Variants in DUS1L observed in about 807,000 individuals in gnomAD.
The protein encoded by DUS1L is tRNA-dihydrouridine(16/17) synthase [NAD(P)(+)]-like.
Under a neutral mutation model 61.2 loss-of-function variants are expected in DUS1L, and 56 were observed. The observed-to-expected ratio is 0.92, with a 90% confidence interval of 0.74 to 1.14. The LOEUF is 1.14. Ranked by LOEUF, DUS1L falls within the 50% of genes most tolerant of loss-of-function variation. DUS1L has a pLI of 0.00. For synonymous variants in DUS1L, 278 were observed against 259.5 expected (o/e 1.07, Z -0.69); for missense variants, 630 against 632.4 (o/e 1.00, Z 0.04).
In DUS1L at chr17:82,064,064, G is replaced by T. The variant is rs1165308919; in HGVS notation, c.346+62C>A. On this transcript the variant is annotated intron_variant, in intron 3 of 13. Coordinates refer to ENST00000306796, the MANE Select transcript of DUS1L (RefSeq NM_022156.5). The stretch of plus-strand genomic sequence containing the variant: ...CGTCCTCCAAGCTCACCACACCTGG[G>T]GCTGCACTGAGCTGGCTCTGGCCCC... 5 of 1,446,582 alleles carry T rather than the reference G, an allele frequency of 3.5e-6. No homozygotes were observed. The East Asian group carries it at 1.2e-4, about 33-fold the overall frequency. The allele number at this position is 1,446,582 out of a possible 1,614,324, so 89.6% of individuals were successfully genotyped here.
In DUS1L at chr17:82,061,940, A is replaced by G. The variant is rs745472107; in HGVS notation, c.554T>C (p.Leu185Pro). ...ATGCTCCCAGGACGCTGCACCCGACAGGGGCCCCTTCTGCTCCTTGGTGCG... is the reference window on the plus strand; with the variant it reads ...ATGCTCCCAGGACGCTGCACCCGACGGGGGCCCCTTCTGCTCCTTGGTGCG... ...HGRTKEQKGP[L>P]SGAASWEHIK... The change falls in exon 6 of 14, where the codon CTG (leucine) becomes CCG (proline). Residue 185 changes from leucine to proline, a missense_variant. Leu to Pro is a moderately conservative substitution (Grantham distance 98, BLOSUM62 -3). Coordinates refer to ENST00000306796, the MANE Select transcript of DUS1L (RefSeq NM_022156.5). The G allele has an allele frequency of 1.9e-6, 3 of 1,610,888 alleles. No individual in the cohort carries two copies. Among genetic ancestry groups the G allele is most frequent in the Admixed American group, 3.3e-5 (2 of 59,866 alleles).
chr17:82,061,412 G>C (rs1054517228), intron 7 of DUS1L, 59 bp from the exon 8 acceptor site: 37 of 1,535,208 alleles, frequency 2.4e-5, no homozygotes, highest in South Asian at 3.7e-5. Context: ...GACGGCACAG[G>C]AAAGCCTGGG....
At chr17:82,063,998 G>T in intron 3 of DUS1L, 128 bp downstream of exon 3, 1 of 789,270 alleles carries the variant, frequency 1.3e-6, no homozygotes, top group Non-Finnish European at 2.0e-6. Context: ...AGGACAGCTG[G>T]CTCCAGCCTG....
chr17:82,064,906 G>A lies in DUS1L; in HGVS notation c.154C>T (p.Gln52Ter). 6.2e-7 allele frequency: 1 copy of A among 1,612,748 alleles called. No homozygotes were observed. Among genetic ancestry groups the A allele is most frequent in the Non-Finnish European group, 8.5e-7 (1 of 1,179,888 alleles). The change falls in exon 2 of 14, where the codon CAG becomes TAG. Residue 52 changes from glutamine (Q) to a stop codon, truncating the protein, a stop_gained. Coordinates refer to ENST00000306796, the MANE Select transcript of DUS1L (RefSeq NM_022156.5). LOFTEE classifies it high-confidence loss of function. ...TAGTTGGCGTCGCGGACAAAGACCT[G>A]GGCATGCAGCATGGGCGTGTAGCAG... is the stretch of plus-strand genomic sequence containing the variant. ...QLCYTPMLHAQVFVRDANYRK... is the reference protein window; with the variant it reads ...QLCYTPMLHA
intron 2 of DUS1L, 30 bp downstream of exon 2, chr17:82,064,793 G>C: frequency 6.3e-7 from 1 of 1,578,940 alleles, no homozygotes; most frequent in Non-Finnish European, 8.6e-7. Context: ...GAACCCAACC[G>C]CGGCCGCGGC....
In DUS1L at chr17:82,060,715, G is replaced by C. The variant is rs560081796; in HGVS notation, c.1008C>G (p.Pro336=). The change falls in exon 10 of 14, where the codon CCC becomes CCG. Residue 336 remains proline (P), a synonymous_variant. Coordinates refer to ENST00000306796, the MANE Select transcript of DUS1L (RefSeq NM_022156.5). ...TGGGCTCTCACCCCGGCCGGATGTA[G>C]GGCTGGCAGATCCAGTGGAAGGGCA... ...GDLPFHWICQ[P]YIRPGPREGS... is the part of the protein sequence containing the mutation. 1.1e-5 allele frequency: 18 copies of C among 1,612,902 alleles called. 1 individual carries two copies. In the East Asian group the frequency reaches 3.8e-4, roughly 34 times the overall value.
intron 4 of DUS1L, 52 bp from the exon 5 acceptor site, chr17:82,063,025 CGGCCAAGCCCCAGAGCCCAG>C: frequency 1.3e-6 from 2 of 1,502,076 alleles, no homozygotes; most frequent in Non-Finnish European, 1.8e-6. Flanking sequence ...CCCACTTTAG[CGGCCAAGCCCCAGAGCCCAG>C]GGCCCTGCAG....
At chr17:82,062,542 C>T (rs73999368) in intron 5 of DUS1L, among the ~76,000 whole-genome samples, 22 of 152,372 alleles carry the variant, frequency 1.4e-4, no homozygotes, top group African/African-American at 4.8e-4. Context: ...GCCCCTTCCT[C>T]ACCCTCTAGG....
Position 82,058,200 on chromosome 17 carries a change from G to C in DUS1L, c.1337C>G (p.Ala446Gly). Reference protein sequence around the residue: ...KLEKSLAWKEAQPELQEPQPA... With the variant: ...KLEKSLAWKEGQPELQEPQPA... Reference sequence around the variant, plus strand: ...CTGAGGCTCCTGCAGCTCAGGCTGGGCCTCTTTCCAGGCCAGAGACTTCTC... The same window carrying C: ...CTGAGGCTCCTGCAGCTCAGGCTGGCCCTCTTTCCAGGCCAGAGACTTCTC... Residue 446 changes from alanine to glycine, a missense_variant, in exon 14 of 14, where the codon GCC (alanine) becomes GGC (glycine). Ala to Gly is a moderately conservative substitution (Grantham distance 60). Coordinates refer to ENST00000306796, the MANE Select transcript of DUS1L (RefSeq NM_022156.5). The C allele has an allele frequency of 6.2e-7, 1 of 1,600,826 alleles. No homozygotes were observed. The highest frequency in any genetic ancestry group is 8.5e-7 in the Non-Finnish European group (1 of 1,171,106).
At chr17:82,059,654 G>A (rs1048956958) in intron 11 of DUS1L, 15 of 414,472 alleles carry the variant, frequency 3.6e-5, no homozygotes, top group Non-Finnish European at 6.1e-5. Context: ...AGGGGCAGCC[G>A]CAGGGACCCG....
At chr17:82,061,425 A>C in intron 7 of DUS1L, 72 bp from the exon 8 acceptor site, 1 of 1,526,936 alleles carries the variant, frequency 6.5e-7, no homozygotes, top group South Asian at 1.2e-5. Flanking sequence ...AGCCTGGGAC[A>C]CTCAGGACAC....
chr17:82,061,778 G>A (rs2033513111), intron 6 of DUS1L, 57 bp from the exon 7 acceptor site: 1 of 1,598,930 alleles, frequency 6.3e-7, no homozygotes, highest in Admixed American at 1.7e-5. Flanking sequence ...AGGTGATGCT[G>A]CCCCCAGCCA....
chr17:82,063,003 G>A (rs1431743828), intron 4 of DUS1L, 30 bp from the exon 5 acceptor site: 2 of 1,578,428 alleles, frequency 1.3e-6, no homozygotes, highest in African/African-American at 2.7e-5. Context: ...CTTCTGAGGG[G>A]GCCATGGTGT....
rs2033509431 is a variant in DUS1L at position 82,061,731 on chromosome 17, G to C, written c.594-10C>G. The stretch of plus-strand genomic sequence containing the variant: ...GATGGCCACAGCCTTCCTGTTGGCA[G>C]AGAAATGCCTGTTTCCACCCGCCCG... On this transcript the variant is annotated splice_polypyrimidine_tract_variant and intron_variant, in intron 6 of 13. Transcript: ENST00000306796. The C allele has an allele frequency of 2.5e-6, 4 of 1,612,316 alleles. No individual in the cohort carries two copies. The highest frequency in any genetic ancestry group is 3.4e-6 in the Non-Finnish European group (4 of 1,179,640).
intron 3 of DUS1L, among the ~76,000 whole-genome samples, chr17:82,063,815 C>G (rs547296303): frequency 6.6e-6 from 1 of 152,184 alleles, no homozygotes; most frequent in African/African-American, 2.4e-5. Flanking sequence ...CTCAGGGGCC[C>G]GGTGAGGTAG....
rs770981128 is a variant in DUS1L, at chr17:82,058,371, G to T, written c.1252C>A (p.Arg418=). The T allele has an allele frequency of 6.7e-7, 1 of 1,488,034 alleles. No individual in the cohort carries two copies. The highest frequency in any genetic ancestry group is 9.0e-7 in the Non-Finnish European group (1 of 1,116,328). The allele number at this position is 1,488,034 out of a possible 1,614,324, so 92.2% of individuals were successfully genotyped here. A position where few individuals can be genotyped will look rare whatever the true frequency, so the allele number is the denominator to read the frequency against. ...FSLCRGCCKK[R]ASKETADCPG... ...CAGTCTGCAGTCTCTTTGGAGGCTC[G>T]CTTCTTGCAGCAGCCGCGGCACAGG... Residue 418 remains arginine, a synonymous_variant, in exon 13 of 14, where the codon CGA becomes AGA. Transcript: ENST00000306796.
At chr17:82,062,015 C>A in intron 5 of DUS1L, 32 bp from the exon 6 acceptor site, 1 of 1,545,344 alleles carries the variant, frequency 6.5e-7, no homozygotes, top group Non-Finnish European at 8.7e-7. Flanking sequence ...TTGACCCCTC[C>A]AAGCCCCTTC....
rs756577680 is a variant in DUS1L at position 82,060,718 on chromosome 17, C to T, written c.1005G>A (p.Gln335=). 6 of 1,612,816 alleles carry T rather than the reference C, an allele frequency of 3.7e-6. No homozygotes were observed. The highest frequency in any genetic ancestry group is 3.4e-6 in the Non-Finnish European group (4 of 1,179,884). The change falls in exon 10 of 14, where the codon CAG becomes CAA. Residue 335 remains glutamine (Q), a synonymous_variant. Coordinates refer to ENST00000306796, the MANE Select transcript of DUS1L (RefSeq NM_022156.5). Reference sequence around the variant, plus strand: ...GCTCTCACCCCGGCCGGATGTAGGGCTGGCAGATCCAGTGGAAGGGCAAGT... The same window carrying T: ...GCTCTCACCCCGGCCGGATGTAGGGTTGGCAGATCCAGTGGAAGGGCAAGT... The part of the protein sequence containing the change: ...TGDLPFHWIC[Q]PYIRPGPREG...
chr17:82,061,548 G>A (rs961527233), intron 7 of DUS1L, 70 bp downstream of exon 7: 2 of 1,517,268 alleles, frequency 1.3e-6, no homozygotes, highest in African/African-American at 1.4e-5. Context: ...GGCAGTGGGA[G>A]GCACCGACCT....
Sources: gnomAD v4.1 joint callset for allele counts (sites outside exome capture counted in the v4.1 genomes callset) on GRCh38, gnomAD v4.1.1 for gene constraint, MANE v1.5 for transcripts, NCBI Gene and HGNC (gene_info 2026-07-23, HGNC 2026-07-21) for gene names.